Variants in TARBP1 observed in about 807,000 individuals in gnomAD.
TARBP1 encodes the protein tRNA (guanosine(18)-2'-O)-methyltransferase TARBP1.
A neutral mutation model predicts 178.6 loss-of-function variants in TARBP1; 144 were observed. The observed-to-expected ratio is 0.81, with a 90% CI of 0.70 to 0.93. TARBP1 has a LOEUF of 0.93. Ranked by LOEUF, TARBP1 falls within the 40% of genes least tolerant of loss-of-function variation. TARBP1 has a pLI of 0.00. For synonymous variants in TARBP1, 787 were observed against 781.0 expected (o/e 1.01, Z -0.13); for missense variants, 2,067 against 2,011.7 (o/e 1.03, Z -0.53).
At chr1:234,430,042 T>C (rs4271248) in intron 15 of TARBP1, 45 bp downstream of exon 15, 14 of 1,551,320 alleles carry the variant, frequency 9.0e-6, no homozygotes, top group Non-Finnish European at 1.1e-5. Context: ...GAACTCACGG[T>C]GACAACAACA....
Position 234,465,710 on chromosome 1 carries a change from TAAAA to T in TARBP1, c.1249-6_1249-3del, listed in dbSNP as rs531256921. ...ATCCATTAATGGTCCAATAATAAAC[TAAAA>T]AAAAAAAAAAAAAAAGACACGTAAT... On this transcript the variant is annotated splice_polypyrimidine_tract_variant and splice_region_variant and intron_variant, in intron 4 of 29. Transcript: ENST00000040877. 3.7e-4 allele frequency: 470 copies of T among 1,269,468 alleles called. 1 individual carries two copies. The East Asian group carries it at 4.3e-3, about 12-fold the overall frequency. The allele number at this position is 1,269,468 out of a possible 1,614,324, so 78.6% of individuals were successfully genotyped here.
At position 234,428,995 on chromosome 1, in the gene TARBP1, A is replaced by G; in HGVS notation, c.3060+141T>C. 4.2e-6 allele frequency: 3 copies of G among 711,766 alleles called. No homozygotes were observed. In the South Asian group the frequency reaches 8.0e-5, roughly 19 times the overall value. 44.1% of individuals were successfully genotyped at this position (711,766 alleles called of 1,614,324 possible). On this transcript the variant is annotated intron_variant, in intron 17 of 29. Coordinates refer to ENST00000040877, the MANE Select transcript of TARBP1 (RefSeq NM_005646.4). ...TCAGATTTTCTCATTCTTACTCTTG[A>G]TATTTAAGAAGGTTCAAAAATATTT...
chr1:234,479,027 C>G lies in TARBP1; in HGVS notation c.77G>C (p.Gly26Ala). The change falls in exon 1 of 30, where the codon GGG becomes GCG. Residue 26 changes from glycine (G) to alanine (A), a missense_variant. Gly to Ala is a moderately conservative substitution (Grantham distance 60). Transcript: ENST00000040877. Reference sequence around the variant, plus strand: ...CTCCACGCGCTCCGCGGATGCCTCCCCTTGGCACAGCGCCCCAAGCAGGGC... The same window carrying G: ...CTCCACGCGCTCCGCGGATGCCTCCGCTTGGCACAGCGCCCCAAGCAGGGC... ...PRALLGALCQGEASAERVETL... is the reference protein window; with the variant it reads ...PRALLGALCQAEASAERVETL... 6.5e-7 allele frequency: 1 copy of G among 1,532,382 alleles called. No homozygotes were observed. The highest frequency in any genetic ancestry group is 8.7e-7 in the Non-Finnish European group (1 of 1,152,374). 94.9% of individuals were successfully genotyped at this position (1,532,382 alleles called of 1,614,324 possible).
intron 2 of TARBP1, 37 bp downstream of exon 2, chr1:234,472,677 T>C: frequency 7.2e-7 from 1 of 1,383,506 alleles, no homozygotes; most frequent in East Asian, 2.4e-5. Flanking sequence ...AAAATTGTTA[T>C]CTACTGTAGG....
In TARBP1 at chr1:234,448,589, C is replaced by A; in HGVS notation, c.1862-10G>T. The A allele has an allele frequency of 6.2e-7, 1 of 1,611,080 alleles. No homozygotes were observed. Among genetic ancestry groups the A allele is most frequent in the Non-Finnish European group, 8.5e-7 (1 of 1,177,710 alleles). ...AAGCAGTTTTCTCCTGCTTAAATAA[C>A]AACAGTTAAGGTTTGCAAAGCATTA... On this transcript the variant is annotated splice_polypyrimidine_tract_variant and intron_variant, in intron 10 of 29. Coordinates refer to ENST00000040877, the MANE Select transcript of TARBP1 (RefSeq NM_005646.4).
At chr1:234,451,136 A>G (rs1220793218) in intron 9 of TARBP1, among the ~76,000 whole-genome samples, 1 of 152,206 alleles carries the variant, frequency 6.6e-6, no homozygotes, top group Non-Finnish European at 1.5e-5. Flanking sequence ...TAAAAGAGAA[A>G]CACTGTCCGA....
At chr1:234,421,761 C>T (rs543186954) in intron 20 of TARBP1, among the ~76,000 whole-genome samples, 51 of 152,324 alleles carry the variant, frequency 3.3e-4, no homozygotes, top group African/African-American at 1.1e-3. Context: ...ACTATTAGTG[C>T]TTTGGCCATA....
intron 10 of TARBP1, among the ~76,000 whole-genome samples, chr1:234,449,883 CT>C (rs1371760788): frequency 6.6e-6 from 1 of 152,188 alleles, no homozygotes; most frequent in African/African-American, 2.4e-5. Context: ...AAGAGTGCTT[CT>C]CTAATGTTGT....
At position 234,420,870 on chromosome 1, in the gene TARBP1, GA is replaced by G; in HGVS notation, c.3445-59del. On this transcript the variant is annotated intron_variant, in intron 20 of 29. Transcript: ENST00000040877. ...ATTATCTATTGAATTTGTGATTAAT[GA>G]AAAAATCAATGACAACTTGAAATGT... The G allele has an allele frequency of 2.8e-6, 3 of 1,080,492 alleles. No individual in the cohort carries two copies. In the South Asian group the frequency reaches 4.3e-5, roughly 16 times the overall value. 66.9% of individuals were successfully genotyped at this position (1,080,492 alleles called of 1,614,324 possible).
At chr1:234,457,837 T>C in intron 8 of TARBP1, 81 bp from the exon 9 acceptor site, 2 of 896,214 alleles carry the variant, frequency 2.2e-6, no homozygotes, top group Non-Finnish European at 1.7e-6. Flanking sequence ...GTGAAGGCAA[T>C]CAATTCTACT....
At chr1:234,437,613 GC>G (rs1276122404) in intron 12 of TARBP1, among the ~76,000 whole-genome samples, 1 of 152,176 alleles carries the variant, frequency 6.6e-6, no homozygotes, top group African/African-American at 2.4e-5. Flanking sequence ...ACTGAACAGA[GC>G]TATAAAACCT....
chr1:234,458,981 C>T (rs270513), intron 8 of TARBP1, among the ~76,000 whole-genome samples: 1 of 151,972 alleles, frequency 6.6e-6, no homozygotes, highest in East Asian at 1.9e-4. Flanking sequence ...ATTGAACAAA[C>T]ACTTTAGATA....
chr1:234,478,368 C>T lies in TARBP1; in HGVS notation c.736G>A (p.Gly246Ser), dbSNP rs1669781459. ...LAEKLLPEPG[G>S]DRARGAREAG... Reference sequence around the variant, plus strand: ...TCGCGCGCGCCGCGGGCGCGGTCGCCGCCGGGCTCGGGCAACAGCTTCTCG... The same window carrying T: ...TCGCGCGCGCCGCGGGCGCGGTCGCTGCCGGGCTCGGGCAACAGCTTCTCG... Residue 246 changes from glycine to serine, a missense_variant, in exon 1 of 30, where the codon GGC (glycine) becomes AGC (serine). Coordinates refer to ENST00000040877, the MANE Select transcript of TARBP1 (RefSeq NM_005646.4). 3.1e-6 allele frequency: 4 copies of T among 1,287,508 alleles called. No homozygotes were observed. The highest frequency in any genetic ancestry group is 7.5e-5 in the Admixed American group (2 of 26,552). 79.8% of individuals were successfully genotyped at this position (1,287,508 alleles called of 1,614,324 possible).
chr1:234,437,998 G>GC (rs755615949), intron 12 of TARBP1, among the ~76,000 whole-genome samples: 2 of 152,202 alleles, frequency 1.3e-5, no homozygotes, highest in Non-Finnish European at 2.9e-5. Flanking sequence ...GAACAGAGTT[G>GC]CCCACTGGCC....
chr1:234,411,689 G>GAAA lies in TARBP1; in HGVS notation c.3706-1161_3706-1159dup, dbSNP rs1384434264. Among the ~76,000 whole-genome samples the GAAA allele has an allele frequency of 5.9e-5, 9 of 152,276 alleles. No individual in the cohort carries two copies. The East Asian group carries it at 1.5e-3, about 26-fold the overall frequency. Reference sequence around the variant, plus strand: ...AGAAGACTTAATCAGCTATCTTAGGGAAAATTTTTTAAGAAGACTGTTCAA... The same window carrying GAAA: ...AGAAGACTTAATCAGCTATCTTAGGGAAAAAAATTTTTTAAGAAGACTGTTCAA... On this transcript the variant is annotated intron_variant, in intron 22 of 29. Transcript: ENST00000040877.
chr1:234,410,762 A>G lies in TARBP1; in HGVS notation c.3706-231T>C, dbSNP rs534722923. The stretch of plus-strand genomic sequence containing the variant: ...GCACACAAAAATCAGCAGGTCACAT[A>G]AAGTACTGAATAACTCAACTCTAAG... On this transcript the variant is annotated intron_variant, in intron 22 of 29. Transcript: ENST00000040877. 2.6e-4 allele frequency among the ~76,000 whole-genome samples: 39 copies of G among 152,332 alleles called. 1 individual carries two copies. The South Asian group carries it at 5.2e-3, about 20-fold the overall frequency.
chr1:234,422,855 A>G (rs1663270799), intron 20 of TARBP1, among the ~76,000 whole-genome samples: 1 of 152,234 alleles, frequency 6.6e-6, no homozygotes, highest in African/African-American at 2.4e-5. Flanking sequence ...CCCCATAAAT[A>G]TATACACCTA....
intron 23 of TARBP1, 58 bp from the exon 24 acceptor site, chr1:234,406,157 T>C: frequency 6.7e-7 from 1 of 1,499,374 alleles, no homozygotes; most frequent in Admixed American, 1.9e-5. Context: ...TTACTCTCAC[T>C]TGTATGACAC....
chr1:234,455,325 C>A (rs1667163416), intron 9 of TARBP1, among the ~76,000 whole-genome samples: 1 of 152,202 alleles, frequency 6.6e-6, no homozygotes, highest in Non-Finnish European at 1.5e-5. Flanking sequence ...AATTCTAGGA[C>A]TCCATTCTGC....
Sources: gnomAD v4.1 joint callset for allele counts (sites outside exome capture counted in the v4.1 genomes callset) on GRCh38, gnomAD v4.1.1 for gene constraint, MANE v1.5 for transcripts, NCBI Gene and HGNC (gene_info 2026-07-23, HGNC 2026-07-21) for gene names.